UBE2L3: variants seen among roughly 807,000 people sequenced by gnomAD.
UBE2L3 encodes the protein ubiquitin-conjugating enzyme E2 L3.
In UBE2L3, 1 loss-of-function variant was observed where a neutral mutation model predicts 17.8. The observed-to-expected ratio is 0.06, with a 90% confidence interval of 0.02 to 0.27. The LOEUF is 0.27. Among genes scored for constraint, UBE2L3 ranks in the 10% least tolerant of loss-of-function variants. The probability of loss-of-function intolerance (pLI) is 1.00; values close to 1 mark genes in which losing one functional copy is unlikely to be tolerated. For synonymous variants in UBE2L3, 44 were observed against 68.5 expected (o/e 0.64, Z 1.76); for missense variants, 40 against 192.6 (o/e 0.21, Z 4.69).
At chr22:21,618,204 G>C (rs1929875052) in intron 3 of UBE2L3, among the ~76,000 whole-genome samples, 1 of 111,224 alleles carries the variant, frequency 9.0e-6, no homozygotes, top group Non-Finnish European at 1.8e-5. Flanking sequence ...ATTCAGACTT[G>C]ATCAAATTAG....
intron 2 of UBE2L3, among the ~76,000 whole-genome samples, chr22:21,594,379 A>G (rs917724831): frequency 6.7e-6 from 1 of 148,256 alleles, no homozygotes; most frequent in East Asian, 2.0e-4. Context: ...TTTCTTCCTG[A>G]TGCTGGTTAT....
intron 1 of UBE2L3, among the ~76,000 whole-genome samples, chr22:21,571,889 T>C (rs1008534545): frequency 6.6e-6 from 1 of 152,118 alleles, no homozygotes; most frequent in African/African-American, 2.4e-5. Context: ...GAGCAATGAG[T>C]ATGTCACATG....
rs778202862 is a variant in UBE2L3 at position 21,592,900 on chromosome 22, C to T, written c.67C>T (p.Arg23Cys). ...CCGCAAATGTGGGATGAAAAACTTC[C>T]GTAACATCCAGGTTGATGAAGCTAA... ...EIRKCGMKNF[R>C]NIQVDEANLL... Residue 23 changes from arginine (R) to cysteine (C), a missense_variant, in exon 2 of 4, where the codon CGT becomes TGT. Arg to Cys is a radical substitution (Grantham distance 180). Transcript: ENST00000342192. 4 of 1,613,868 alleles carry T rather than the reference C, an allele frequency of 2.5e-6. No individual in the cohort carries two copies. The South Asian group carries it at 3.3e-5, about 13-fold the overall frequency.
chr22:21,567,969 C>T, intron 1 of UBE2L3, 198 bp downstream of exon 1: 1 of 1,373,414 alleles, frequency 7.3e-7, no homozygotes, highest in Non-Finnish European at 9.4e-7. Context: ...AGCGCAAGGC[C>T]GCGCTGGGAG....
At chr22:21,568,106 G>C in intron 1 of UBE2L3, 1 of 1,118,648 alleles carries the variant, frequency 8.9e-7, no homozygotes, top group African/African-American at 1.6e-5. Context: ...AGCCCGGTTG[G>C]GAGGCTCCAA....
At chr22:21,608,934 G>A (rs992384130) in intron 2 of UBE2L3, among the ~76,000 whole-genome samples, 12 of 150,672 alleles carry the variant, frequency 8.0e-5, no homozygotes, top group African/African-American at 2.4e-4. Flanking sequence ...TCGCTCTTTC[G>A]TCCAGGCCAG....
At chr22:21,578,428 T>G (rs1927436638) in intron 1 of UBE2L3, among the ~76,000 whole-genome samples, 1 of 151,352 alleles carries the variant, frequency 6.6e-6, no homozygotes, top group Admixed American at 6.6e-5. Context: ...TCTCCACGAG[T>G]TTTACACAGG....
chr22:21,591,008 A>C (rs775238244), intron 1 of UBE2L3, among the ~76,000 whole-genome samples: 1 of 152,146 alleles, frequency 6.6e-6, no homozygotes, highest in Non-Finnish European at 1.5e-5. Context: ...TGTGGGTGTG[A>C]GATCTCTTCC....
chr22:21,602,657 C>A (rs1245026778), intron 2 of UBE2L3, among the ~76,000 whole-genome samples: 1 of 152,218 alleles, frequency 6.6e-6, no homozygotes, highest in Non-Finnish European at 1.5e-5. Context: ...CAAAGAGCTT[C>A]CTCTTAGTCT....
At chr22:21,616,999 AG>A (rs1377681015) in intron 3 of UBE2L3, among the ~76,000 whole-genome samples, 1 of 152,042 alleles carries the variant, frequency 6.6e-6, no homozygotes, top group Non-Finnish European at 1.5e-5. Flanking sequence ...TCACGAGGTC[AG>A]GAGATCGAGA....
chr22:21,583,740 A>G (rs1455096761), intron 1 of UBE2L3, among the ~76,000 whole-genome samples: 1 of 152,192 alleles, frequency 6.6e-6, no homozygotes, highest in Non-Finnish European at 1.5e-5. Flanking sequence ...GGGGGCTTAG[A>G]CCACGTGAAG....
At chr22:21,603,153 T>C (rs1043351820) in intron 2 of UBE2L3, among the ~76,000 whole-genome samples, 37 of 152,282 alleles carry the variant, frequency 2.4e-4, no homozygotes, top group African/African-American at 8.7e-4. Context: ...TTATAATGAC[T>C]AGAAGCAAAT....
At chr22:21,561,116 C>G (rs1238372231) in intron 1 of UBE2L3, among the ~76,000 whole-genome samples, 3 of 152,268 alleles carry the variant, frequency 2.0e-5, no homozygotes, top group African/African-American at 7.2e-5. Context: ...CTGGCCCTCA[C>G]AGTCCAAGAA....
chr22:21,597,089 C>G (rs1327868088), intron 2 of UBE2L3, among the ~76,000 whole-genome samples: 2 of 151,788 alleles, frequency 1.3e-5, no homozygotes, highest in Non-Finnish European at 2.9e-5. Flanking sequence ...AGTGATTCTC[C>G]CACCTCAGCC....
At chr22:21,616,478 G>A (rs1048202672) in intron 3 of UBE2L3, among the ~76,000 whole-genome samples, 3 of 151,910 alleles carry the variant, frequency 2.0e-5, no homozygotes, top group South Asian at 4.1e-4. Flanking sequence ...GTGAAACCCC[G>A]TCCCTACTAA....
intron 2 of UBE2L3, among the ~76,000 whole-genome samples, chr22:21,610,399 A>G (rs1394847821): frequency 6.6e-6 from 1 of 152,204 alleles, no homozygotes; most frequent in African/African-American, 2.4e-5. Flanking sequence ...AGAATGTGCA[A>G]CACCAAGTAT....
At chr22:21,580,744 G>A (rs1790307773) in intron 1 of UBE2L3, among the ~76,000 whole-genome samples, 1 of 151,814 alleles carries the variant, frequency 6.6e-6, no homozygotes, top group Admixed American at 6.6e-5. Flanking sequence ...CCATTGTACC[G>A]GACTTAATTT....
intron 1 of UBE2L3, among the ~76,000 whole-genome samples, chr22:21,590,235 T>C (rs1312864300): frequency 6.6e-6 from 1 of 152,256 alleles, no homozygotes; most frequent in Admixed American, 6.5e-5. Flanking sequence ...TTCGCTCTTT[T>C]CGCCCAAGCT....
intron 2 of UBE2L3, among the ~76,000 whole-genome samples, chr22:21,596,892 GGTAT>G (rs1928556242): frequency 6.6e-6 from 1 of 152,006 alleles, no homozygotes; most frequent in South Asian, 2.1e-4. Context: ...CATTCTAGTT[GGTAT>G]GTAGTGCTGT....
Sources: gnomAD v4.1 joint callset for allele counts (sites outside exome capture counted in the v4.1 genomes callset) on GRCh38, gnomAD v4.1.1 for gene constraint, MANE v1.5 for transcripts, NCBI Gene and HGNC (gene_info 2026-07-23, HGNC 2026-07-21) for gene names.